Variants in TENM3 observed in about 807,000 individuals in gnomAD.
The protein encoded by TENM3 is teneurin transmembrane protein 3.
Under a neutral mutation model 255.1 loss-of-function variants are expected in TENM3, and 63 were observed. The observed-to-expected ratio is 0.25, with a 90% CI of 0.20 to 0.30. TENM3 has a LOEUF of 0.30. Ranked by LOEUF, TENM3 falls within the 10% of genes least tolerant of loss-of-function variation. TENM3 has a pLI of 1.00. For missense variants in TENM3, 2,929 were observed against 3,461.1 expected, an observed-to-expected ratio of 0.85 and a Z score of 3.86; for synonymous variants, 1,306 against 1,322.3, an observed-to-expected ratio of 0.99 and a Z score of 0.27.
chr4:182,685,646 C>T (rs1315849638), intron 11 of TENM3, among the ~76,000 whole-genome samples: 2 of 151,980 alleles, frequency 1.3e-5, no homozygotes, highest in Non-Finnish European at 2.9e-5. Context: ...GAGATAATTA[C>T]TTCTATAGTA....
intron 12 of TENM3, among the ~76,000 whole-genome samples, chr4:182,692,796 C>G (rs1757106699): frequency 6.6e-6 from 1 of 152,066 alleles, no homozygotes; most frequent in Non-Finnish European, 1.5e-5. Flanking sequence ...GTGTGAAACA[C>G]TGGAGGTTTC....
chr4:182,273,492 A>G (rs944471985), intron 1 of TENM3, among the ~76,000 whole-genome samples: 2 of 152,208 alleles, frequency 1.3e-5, no homozygotes, highest in African/African-American at 4.8e-5. Context: ...TTGTGAGTGA[A>G]TCAGTAACAT....
At chr4:182,454,052 G>A (rs1169331294) in intron 3 of TENM3, among the ~76,000 whole-genome samples, 1 of 152,130 alleles carries the variant, frequency 6.6e-6, no homozygotes, top group Non-Finnish European at 1.5e-5. Flanking sequence ...TGAAAGGCCA[G>A]GGTAGTTAAA....
chr4:182,197,624 C>A (rs1753909644), intron 1 of TENM3, among the ~76,000 whole-genome samples: 1 of 152,128 alleles, frequency 6.6e-6, no homozygotes, highest in Non-Finnish European at 1.5e-5. Context: ...TAAATAGGTA[C>A]TGTGGTAAGA....
chr4:181,658,336 A>G, the TENM3 span, among the ~76,000 whole-genome samples: 2 of 152,202 alleles, frequency 1.3e-5, no homozygotes, highest in Non-Finnish European at 2.9e-5. Flanking sequence ...CTGGCAAGTA[A>G]GTGAGACGGT....
At chr4:181,547,106 C>T in the TENM3 span, among the ~76,000 whole-genome samples, 11 of 152,066 alleles carry the variant, frequency 7.2e-5, no homozygotes, top group African/African-American at 2.2e-4. Flanking sequence ...TGGAGAAAAG[C>T]CTCTTCATGT....
At chr4:182,331,268 G>A (rs527877382) in intron 2 of TENM3, among the ~76,000 whole-genome samples, 3 of 152,028 alleles carry the variant, frequency 2.0e-5, no homozygotes, top group East Asian at 3.9e-4. Flanking sequence ...CATTTTGGCC[G>A]GGTGCGGTGG....
chr4:181,783,261 T>C, the TENM3 span, among the ~76,000 whole-genome samples: 34 of 152,292 alleles, frequency 2.2e-4, no homozygotes, highest in African/African-American at 7.9e-4. Context: ...AGTCTAAGTC[T>C]CTTTGTAGGT....
the TENM3 span, among the ~76,000 whole-genome samples, chr4:181,915,071 TG>T: frequency 3.9e-5 from 6 of 152,130 alleles, no homozygotes; most frequent in Admixed American, 6.6e-5. Flanking sequence ...AAATAAAAAT[TG>T]TCAGTGGTTG....
At chr4:182,351,881 G>T (rs1166723876) in intron 3 of TENM3, among the ~76,000 whole-genome samples, 5 of 152,168 alleles carry the variant, frequency 3.3e-5, no homozygotes, top group Non-Finnish European at 7.3e-5. Flanking sequence ...GGGCTGTTGT[G>T]AGCATTAAGT....
At chr4:181,479,637 CA>C in the TENM3 span, among the ~76,000 whole-genome samples, 798 of 151,958 alleles carry the variant, frequency 5.3e-3, 8 homozygotes, top group African/African-American at 0.018. Flanking sequence ...AGCTTTATAT[CA>C]AAAAAATTAA....
the TENM3 span, chr4:181,830,085 T>G: frequency 6.6e-6 from 1 of 152,224 alleles, no homozygotes; most frequent in African/African-American, 2.4e-5. Flanking sequence ...GGGTGACAAG[T>G]TCTCCACCCA....
the TENM3 span, among the ~76,000 whole-genome samples, chr4:181,950,412 G>C: frequency 2.6e-5 from 4 of 152,218 alleles, no homozygotes; most frequent in South Asian, 8.3e-4. Flanking sequence ...ACAGGGACGC[G>C]CATGAAACTT....
chr4:182,653,941 T>C (rs1450543693), intron 6 of TENM3, 48 bp downstream of exon 6: 1 of 1,526,506 alleles, frequency 6.6e-7, no homozygotes. Context: ...AACATCCCTT[T>C]TCCATAAATT....
chr4:181,849,334 A>T, the TENM3 span, among the ~76,000 whole-genome samples: 2 of 152,208 alleles, frequency 1.3e-5, no homozygotes, highest in Non-Finnish European at 2.9e-5. Context: ...TGGACTGTTA[A>T]TTTCATTTGT....
intron 3 of TENM3, among the ~76,000 whole-genome samples, chr4:182,417,140 A>AT (rs777171102): frequency 5.1e-4 from 77 of 150,508 alleles, no homozygotes; most frequent in African/African-American, 1.5e-3. Context: ...CGCCCAGCTA[A>AT]TTTTTTTTTG....
the TENM3 span, among the ~76,000 whole-genome samples, chr4:181,724,777 C>T: frequency 6.6e-6 from 1 of 152,122 alleles, no homozygotes. Flanking sequence ...TTGAACTTGT[C>T]TCTGGGGAAA....
the TENM3 span, among the ~76,000 whole-genome samples, chr4:181,782,157 C>T: frequency 6.6e-6 from 1 of 152,104 alleles, no homozygotes; most frequent in Non-Finnish European, 1.5e-5. Context: ...GGAGGATTCC[C>T]TCTTTTTCTA....
chr4:182,347,006 G>C (rs1561348398), intron 3 of TENM3, 77 bp downstream of exon 3: 1 of 1,107,196 alleles, frequency 9.0e-7, no homozygotes, highest in Non-Finnish European at 1.2e-6. Context: ...GGGGGGGGAT[G>C]TTTTTCTTTC....
Sources: gnomAD v4.1 joint callset for allele counts (sites outside exome capture counted in the v4.1 genomes callset) on GRCh38, gnomAD v4.1.1 for gene constraint, MANE v1.5 for transcripts, NCBI Gene and HGNC (gene_info 2026-07-23, HGNC 2026-07-21) for gene names.